The following ASTN2 variants were observed in gnomAD, a reference collection of about 807,000 sequenced individuals.
The protein encoded by ASTN2 is astrotactin-2.
In ASTN2, 54 loss-of-function variants were observed where a neutral mutation model predicts 139.8. That is an observed-to-expected ratio of 0.39 (90% CI 0.31 to 0.48). The LOEUF (loss-of-function observed/expected upper bound fraction) is 0.48, where lower values mean the gene tolerates loss of function less well. Among genes scored for constraint, ASTN2 ranks in the 20% least tolerant of loss-of-function variants. ASTN2 has a pLI of 0.95. For synonymous variants in ASTN2, 756 were observed against 719.5 expected (o/e 1.05, Z -0.81); for missense variants, 1,565 against 1,725.1 (o/e 0.91, Z 1.64).
chr9:116,790,956 AAAG>A (rs1414511853), intron 13 of ASTN2, among the ~76,000 whole-genome samples: 2 of 75,182 alleles, frequency 2.7e-5, no homozygotes, highest in African/African-American at 9.6e-5. Flanking sequence ...GAAAGAAAGA[AAAG>A]AAAGAAGGAA....
At chr9:117,130,743 A>G (rs2132837003) in intron 4 of ASTN2, among the ~76,000 whole-genome samples, 1 of 152,272 alleles carries the variant, frequency 6.6e-6, no homozygotes, top group African/African-American at 2.4e-5. Flanking sequence ...CTTTTGCTAT[A>G]CACACACACA....
chr9:116,914,355 G>A (rs1394432346), intron 10 of ASTN2, among the ~76,000 whole-genome samples: 1 of 152,030 alleles, frequency 6.6e-6, no homozygotes, highest in African/African-American at 2.4e-5. Context: ...AACTTCAGTG[G>A]CTTGAAGGAC....
intron 16 of ASTN2, among the ~76,000 whole-genome samples, chr9:116,655,419 A>G (rs543561913): frequency 6.6e-6 from 1 of 152,360 alleles, no homozygotes; most frequent in South Asian, 2.1e-4. Context: ...GAGAGCATGT[A>G]GAAAATGTGG....
intron 16 of ASTN2, among the ~76,000 whole-genome samples, chr9:116,722,811 G>A (rs1012718170): frequency 1.3e-5 from 2 of 152,070 alleles, no homozygotes; most frequent in African/African-American, 4.8e-5. Context: ...CCTTCACTAA[G>A]AGTTAAAATG....
intron 3 of ASTN2, among the ~76,000 whole-genome samples, chr9:117,166,687 A>C (rs1830677392): frequency 1.3e-5 from 2 of 152,134 alleles, no homozygotes; most frequent in Admixed American, 6.6e-5. Context: ...CTACTCAGAT[A>C]AATCTTTCCT....
intron 10 of ASTN2, among the ~76,000 whole-genome samples, chr9:116,888,540 T>G (rs994262279): frequency 6.6e-6 from 1 of 152,134 alleles, no homozygotes; most frequent in African/African-American, 2.4e-5. Flanking sequence ...TGTTTGTTTT[T>G]GAGACAGAGT....
intron 13 of ASTN2, among the ~76,000 whole-genome samples, chr9:116,781,982 C>CA (rs1830230941): frequency 1.3e-5 from 2 of 152,162 alleles, no homozygotes; most frequent in Admixed American, 1.3e-4. Context: ...CATCAGCATT[C>CA]AAACCCCAGT....
At chr9:116,935,639 A>T (rs940140422) in intron 10 of ASTN2, among the ~76,000 whole-genome samples, 3 of 152,222 alleles carry the variant, frequency 2.0e-5, no homozygotes, top group Non-Finnish European at 4.4e-5. Flanking sequence ...GCAGAACAGG[A>T]TTCAAATTCC....
intron 10 of ASTN2, among the ~76,000 whole-genome samples, chr9:116,905,654 A>G (rs923042779): frequency 1.3e-5 from 2 of 152,164 alleles, no homozygotes; most frequent in Non-Finnish European, 2.9e-5. Context: ...AAAGCTATAT[A>G]TTAAAGTAAC....
chr9:117,309,218 C>T (rs1827887883), intron 1 of ASTN2, among the ~76,000 whole-genome samples: 1 of 152,240 alleles, frequency 6.6e-6, no homozygotes, highest in Non-Finnish European at 1.5e-5. Context: ...CTCAGCTGTA[C>T]TTCTGGGTCC....
chr9:116,456,164 A>G (rs1347770624), intron 20 of ASTN2, among the ~76,000 whole-genome samples: 1 of 152,172 alleles, frequency 6.6e-6, no homozygotes, highest in East Asian at 1.9e-4. Flanking sequence ...CAAAATCAGG[A>G]AAGTTGTAGG....
chr9:116,571,277 T>G (rs1005270223), intron 19 of ASTN2, among the ~76,000 whole-genome samples: 7 of 152,298 alleles, frequency 4.6e-5, no homozygotes, highest in Middle Eastern at 3.4e-3. Flanking sequence ...ACCTTGTTCT[T>G]TGCTATCATG....
intron 3 of ASTN2, among the ~76,000 whole-genome samples, chr9:117,161,651 C>A (rs1830555134): frequency 6.6e-6 from 1 of 152,018 alleles, no homozygotes; most frequent in African/African-American, 2.4e-5. Flanking sequence ...ACCTTGGCCT[C>A]TCAAAATACT....
At chr9:116,726,465 C>G (rs574522568) in intron 15 of ASTN2, among the ~76,000 whole-genome samples, 1 of 152,204 alleles carries the variant, frequency 6.6e-6, no homozygotes, top group Non-Finnish European at 1.5e-5. Context: ...TATGTTCTCA[C>G]TGCACACTGC....
intron 11 of ASTN2, among the ~76,000 whole-genome samples, chr9:116,840,924 T>C (rs1006172480): frequency 6.7e-6 from 1 of 149,838 alleles, no homozygotes; most frequent in African/African-American, 2.5e-5. Flanking sequence ...GCTCCTCACA[T>C]CCCAGACGAT....
intron 20 of ASTN2, among the ~76,000 whole-genome samples, chr9:116,464,581 G>C (rs112426396): frequency 8.7e-4 from 132 of 152,262 alleles, no homozygotes; most frequent in African/African-American, 3.1e-3. Flanking sequence ...TGTTTGTGCT[G>C]AAGCATATCC....
At chr9:116,725,383 T>C (rs1465972879) in intron 16 of ASTN2, among the ~76,000 whole-genome samples, 1 of 151,922 alleles carries the variant, frequency 6.6e-6, no homozygotes, top group African/African-American at 2.4e-5. Context: ...CAAGATCTTC[T>C]TGGGTTCTCC....
At chr9:116,741,935 G>C (rs1034277382) in intron 13 of ASTN2, among the ~76,000 whole-genome samples, 1 of 152,070 alleles carries the variant, frequency 6.6e-6, no homozygotes, top group Non-Finnish European at 1.5e-5. Context: ...CCATTCATTC[G>C]TTCATTCATT....
chr9:117,394,308 C>T (rs1417309576), intron 1 of ASTN2, among the ~76,000 whole-genome samples: 2 of 151,954 alleles, frequency 1.3e-5, no homozygotes, highest in Non-Finnish European at 2.9e-5. Context: ...ATGTAGTAGC[C>T]AAGAGTCACA....
Sources: gnomAD v4.1 joint callset for allele counts (sites outside exome capture counted in the v4.1 genomes callset) on GRCh38, gnomAD v4.1.1 for gene constraint, MANE v1.5 for transcripts, NCBI Gene and HGNC (gene_info 2026-07-23, HGNC 2026-07-21) for gene names.